The following FER1L6 variants were observed in gnomAD, a reference collection of about 807,000 sequenced individuals.
FER1L6 encodes the protein fer-1 like family member 6, also known as fer-1-like protein 6.
Under a neutral mutation model 219.2 loss-of-function variants are expected in FER1L6, and 177 were observed. The observed-to-expected ratio is 0.81, with a 90% CI of 0.71 to 0.91. The LOEUF (loss-of-function observed/expected upper bound fraction) is 0.91. Among genes scored for constraint, FER1L6 ranks in the 40% least tolerant of loss-of-function variants. FER1L6 has a pLI of 0.00. For missense variants in FER1L6, 2,153 were observed against 2,259.9 expected, an observed-to-expected ratio of 0.95 and a Z score of 0.96; for synonymous variants, 768 against 824.3, an observed-to-expected ratio of 0.93 and a Z score of 1.17.
At chr8:124,080,614 G>A (rs926633332) in intron 32 of FER1L6, among the ~76,000 whole-genome samples, 3 of 152,016 alleles carry the variant, frequency 2.0e-5, no homozygotes, top group South Asian at 2.1e-4. Context: ...CACCGCTCCC[G>A]GCCCTGTTTT....
At chr8:123,963,460 C>T in intron 3 of FER1L6, 62 bp downstream of exon 3, 1 of 1,576,618 alleles carries the variant, frequency 6.3e-7, no homozygotes, top group Non-Finnish European at 8.7e-7. Flanking sequence ...TGCCAAGCAC[C>T]TCTACAGGTG....
intron 11 of FER1L6, chr8:123,985,788 A>C: frequency 3.5e-6 from 1 of 289,652 alleles, no homozygotes; most frequent in Non-Finnish European, 6.4e-6. Flanking sequence ...AAAGATACGC[A>C]CACCAAGTTT....
chr8:123,879,958 C>T (rs1419914401), intron 1 of FER1L6, among the ~76,000 whole-genome samples: 1 of 152,096 alleles, frequency 6.6e-6, no homozygotes, highest in Non-Finnish European at 1.5e-5. Context: ...GTGCTGTCCC[C>T]CGTTCACCAT....
chr8:123,996,559 G>T (rs1817143713), intron 12 of FER1L6, among the ~76,000 whole-genome samples: 1 of 151,934 alleles, frequency 6.6e-6, no homozygotes, highest in African/African-American at 2.4e-5. Flanking sequence ...CAGATCATTG[G>T]ACCTTGTGTT....
chr8:124,017,494 C>T, intron 15 of FER1L6, 134 bp from the exon 16 acceptor site: 1 of 623,480 alleles, frequency 1.6e-6, no homozygotes, highest in Admixed American at 3.1e-5. Context: ...TTGCTTAATC[C>T]TAAATTAAAA....
intron 2 of FER1L6, among the ~76,000 whole-genome samples, chr8:123,956,835 G>C (rs1815043621): frequency 6.6e-6 from 1 of 152,176 alleles, no homozygotes; most frequent in South Asian, 2.1e-4. Flanking sequence ...AATCCAGGCT[G>C]TCTCACTTTC....
At chr8:124,052,540 C>G (rs1235486515) in intron 22 of FER1L6, among the ~76,000 whole-genome samples, 4 of 152,106 alleles carry the variant, frequency 2.6e-5, no homozygotes, top group Non-Finnish European at 5.9e-5. Flanking sequence ...AATCCCAGCA[C>G]TTTGGGAGGC....
In FER1L6 at chr8:124,003,354, G is replaced by C; in HGVS notation, c.1700+7G>C. On this transcript the variant is annotated splice_region_variant and intron_variant, in intron 13 of 40. Transcript: ENST00000522917. Reference sequence around the variant, plus strand: ...TGGTGACAGAAGGGAACAGGTAGGAGACATAGCCTGGGAGAACAGTCAAGG... The same window carrying C: ...TGGTGACAGAAGGGAACAGGTAGGACACATAGCCTGGGAGAACAGTCAAGG... 1 of 1,595,900 alleles carries C rather than the reference G, an allele frequency of 6.3e-7. No homozygotes were observed. The highest frequency in any genetic ancestry group is 2.3e-5 in the East Asian group (1 of 44,212).
chr8:123,944,227 T>C (rs1017490686), intron 1 of FER1L6, among the ~76,000 whole-genome samples: 12 of 151,308 alleles, frequency 7.9e-5, no homozygotes, highest in Admixed American at 5.9e-4. Context: ...ACCTGAATAA[T>C]GATAATAAAA....
At chr8:123,950,475 G>T (rs1814709887) in intron 1 of FER1L6, among the ~76,000 whole-genome samples, 1 of 152,212 alleles carries the variant, frequency 6.6e-6, no homozygotes, top group Non-Finnish European at 1.5e-5. Context: ...TTTCTCTGAA[G>T]GGCTATGAGA....
chr8:124,021,585 G>T lies in FER1L6; in HGVS notation c.2049G>T (p.Gln683His). Reference sequence around the variant, plus strand: ...GCAAGGAGGCCAAGGGGATCATTCAGCAGCAGAAGAAAAAGTTATCTGTTG... The same window carrying T: ...GCAAGGAGGCCAAGGGGATCATTCATCAGCAGAAGAAAAAGTTATCTGTTG... Reference protein sequence around the residue: ...AMCKEAKGIIQQQKKKLSVDE... With the variant: ...AMCKEAKGIIHQQKKKLSVDE... Residue 683 changes from glutamine to histidine, a missense_variant, in exon 17 of 41, where the codon CAG (glutamine) becomes CAT (histidine). By Grantham distance (24) the Gln-to-His change is conservative (BLOSUM62 0). Transcript: ENST00000522917. 1 of 1,614,030 alleles carries T rather than the reference G, an allele frequency of 6.2e-7. No individual in the cohort carries two copies. Among genetic ancestry groups the T allele is most frequent in the Non-Finnish European group, 8.5e-7 (1 of 1,179,894 alleles).
intron 1 of FER1L6, among the ~76,000 whole-genome samples, chr8:123,898,772 T>TATATACGTATATAC (rs1563677537): frequency 2.0e-5 from 2 of 102,124 alleles, no homozygotes; most frequent in African/African-American, 3.1e-5. Context: ...TATATATGTG[T>TATATACGTATATAC]ATATATACGT....
At chr8:123,864,302 T>C (rs1191694633) in intron 1 of FER1L6, among the ~76,000 whole-genome samples, 3 of 148,594 alleles carry the variant, frequency 2.0e-5, no homozygotes, top group Non-Finnish European at 4.5e-5. Context: ...TGTTGAATAT[T>C]GGCCCCCACT....
At chr8:123,927,289 T>A (rs1813600396) in intron 1 of FER1L6, among the ~76,000 whole-genome samples, 1 of 152,168 alleles carries the variant, frequency 6.6e-6, no homozygotes, top group South Asian at 2.1e-4. Context: ...ACTCGTGATT[T>A]GGCTGAAGCG....
intron 1 of FER1L6, among the ~76,000 whole-genome samples, chr8:123,860,813 C>T (rs2130253122): frequency 7.3e-6 from 1 of 136,290 alleles, no homozygotes; most frequent in African/African-American, 3.0e-5. Flanking sequence ...CCCTTGCCCA[C>T]TTTTTGATGG....
In FER1L6 at chr8:124,111,502, A is replaced by G. The variant is rs917306433; in HGVS notation, c.5290-7342A>G. On this transcript the variant is annotated intron_variant, in intron 39 of 40. Coordinates refer to ENST00000522917, the MANE Select transcript of FER1L6 (RefSeq NM_001039112.2). The surrounding 1 kb of genome is among the most constrained non-coding windows in gnomAD (Gnocchi z 5.0). ...GAAGGAATTCAGGGCAAGTCTGTAA[A>G]GAGAAAGCAAGTTTATTAAGAAAGT... is the stretch of plus-strand genomic sequence containing the variant. Among the ~76,000 whole-genome samples, 2 of 152,222 alleles carry G rather than the reference A, an allele frequency of 1.3e-5. No homozygotes were observed. The highest frequency in any genetic ancestry group is 4.8e-5 in the African/African-American group (2 of 41,466).
intron 20 of FER1L6, among the ~76,000 whole-genome samples, chr8:124,040,273 A>C (rs997691424): frequency 1.3e-5 from 2 of 152,242 alleles, no homozygotes; most frequent in African/African-American, 4.8e-5. Flanking sequence ...GAGGCGGAGA[A>C]GGCTAAAGTG....
intron 13 of FER1L6, among the ~76,000 whole-genome samples, chr8:124,009,295 A>G (rs1817805041): frequency 6.6e-6 from 1 of 152,186 alleles, no homozygotes; most frequent in Non-Finnish European, 1.5e-5. Flanking sequence ...TTGAAAGGAA[A>G]ACATTTATTT....
At chr8:123,931,180 T>C (rs2129918882) in intron 1 of FER1L6, among the ~76,000 whole-genome samples, 1 of 152,328 alleles carries the variant, frequency 6.6e-6, no homozygotes, top group South Asian at 2.1e-4. Context: ...GAAAATGATA[T>C]GTTAATGGGA....
Sources: gnomAD v4.1 joint callset for allele counts (sites outside exome capture counted in the v4.1 genomes callset) on GRCh38, gnomAD v4.1.1 for gene constraint, Gnocchi (gnomAD v3.1) non-coding constraint, MANE v1.5 for transcripts, NCBI Gene and HGNC (gene_info 2026-07-23, HGNC 2026-07-21) for gene names.